The following PROSER1 variants were observed in gnomAD, a reference collection of about 807,000 sequenced individuals.
The protein encoded by PROSER1 is proline and serine rich 1, also known as proline and serine-rich protein 1.
A neutral mutation model predicts 71.8 loss-of-function variants in PROSER1; 36 were observed. The observed-to-expected ratio is 0.50, with a 90% CI of 0.38 to 0.66. The LOEUF (loss-of-function observed/expected upper bound fraction) is 0.66, where lower values mean the gene tolerates loss of function less well. PROSER1 is among the 30% of genes least tolerant of loss of function. The probability of loss-of-function intolerance (pLI) is 0.00; values close to 1 mark genes in which losing one functional copy is unlikely to be tolerated. For missense variants in PROSER1, 1,107 were observed against 1,135.0 expected (o/e 0.98, Z 0.35); for synonymous variants, 490 against 452.4 (o/e 1.08, Z -1.06).
At chr13:39,015,058 C>G (rs1202197633) in intron 10 of PROSER1, among the ~76,000 whole-genome samples, 3 of 152,140 alleles carry the variant, frequency 2.0e-5, no homozygotes, top group African/African-American at 7.2e-5. Context: ...AACCCCTAAC[C>G]CTTACCTGGC....
At chr13:39,015,928 T>C (rs1276296917) in intron 10 of PROSER1, among the ~76,000 whole-genome samples, 2 of 152,200 alleles carry the variant, frequency 1.3e-5, no homozygotes, top group Admixed American at 6.5e-5. Context: ...TGTTTGTAAA[T>C]AATGTACCAA....
Position 39,037,355 on chromosome 13 carries a change from C to T in PROSER1, c.-113G>A, listed in dbSNP as rs1339082426. On this transcript the variant is annotated 5_prime_UTR_variant, in exon 1 of 13. Transcript: ENST00000352251. The stretch of plus-strand genomic sequence containing the variant: ...TATTTATAGCTGAGGAGGAAAAAGA[C>T]TCCACGAGCAAGAGAGGATGCGAAG... The T allele has an allele frequency of 1.8e-5, 14 of 799,054 alleles. No individual in the cohort carries two copies. Among genetic ancestry groups the T allele is most frequent in the Non-Finnish European group, 3.0e-5 (14 of 462,074 alleles). 49.5% of individuals were successfully genotyped at this position (799,054 alleles called of 1,614,324 possible).
chr13:39,013,977 CAATG>C lies in PROSER1; in HGVS notation c.1271_1274del (p.Ser424CysfsTer25). 3 of 1,614,060 alleles carry C rather than the reference CAATG, an allele frequency of 1.9e-6. No individual in the cohort carries two copies. Among genetic ancestry groups the C allele is most frequent in the Non-Finnish European group, 2.5e-6 (3 of 1,180,028 alleles). On this transcript the variant is annotated frameshift_variant, in exon 11 of 13. Coordinates refer to ENST00000352251, the MANE Select transcript of PROSER1 (RefSeq NM_025138.5). LOFTEE classifies it high-confidence loss of function. Reference sequence around the variant, plus strand: ...AAGGGAGCCCTGCAAAAACTGATGACAATGAAGCAGAATTTGGGTTGCTGGTAGA... The same window carrying C: ...AAGGGAGCCCTGCAAAAACTGATGACAAGCAGAATTTGGGTTGCTGGTAGA...
At chr13:39,016,327 G>A (rs1011027064) in intron 10 of PROSER1, among the ~76,000 whole-genome samples, 4 of 152,138 alleles carry the variant, frequency 2.6e-5, no homozygotes, top group African/African-American at 9.7e-5. Flanking sequence ...ACCCTCATTT[G>A]ACAGATGGGC....
At chr13:39,029,438 T>C (rs1870725577) in intron 3 of PROSER1, 63 bp from the exon 4 acceptor site, 2 of 897,880 alleles carry the variant, frequency 2.2e-6, no homozygotes, top group Non-Finnish European at 3.4e-6. Flanking sequence ...ATTACCTTTT[T>C]CTGGAAGTAC....
rs114651449 is a variant in PROSER1, at chr13:39,027,710, A to C, written c.369+517T>G. On this transcript the variant is annotated intron_variant, in intron 5 of 12. Coordinates refer to ENST00000352251, the MANE Select transcript of PROSER1 (RefSeq NM_025138.5). ...ATTAATTAATTAATTCAGCTTCCAG[A>C]CATCGCAATCCTACCTTAGAAATAA... Among the ~76,000 whole-genome samples, 1,384 of 152,290 alleles carry C rather than the reference A, an allele frequency of 9.1e-3. 27 individuals are homozygous for C. The highest frequency in any genetic ancestry group is 0.032 in the African/African-American group (1,333 of 41,548).
chr13:39,022,514 A>T (rs1191625880), intron 8 of PROSER1, 102 bp from the exon 9 acceptor site: 1 of 750,686 alleles, frequency 1.3e-6, no homozygotes, highest in African/African-American at 1.8e-5. Context: ...CAGCTATTCA[A>T]TTTATTATAA....
chr13:39,027,429 C>A (rs1005370275), intron 5 of PROSER1, among the ~76,000 whole-genome samples: 5 of 152,162 alleles, frequency 3.3e-5, no homozygotes, highest in African/African-American at 9.7e-5. Context: ...CTACAGAACA[C>A]TCAGGCCCAG....
intron 3 of PROSER1, 47 bp from the exon 4 acceptor site, chr13:39,029,422 C>A (rs1164804823): frequency 5.9e-6 from 6 of 1,025,036 alleles, no homozygotes; most frequent in South Asian, 5.5e-5. Flanking sequence ...AATTTTCATG[C>A]CAGAAATTAC....
At chr13:39,017,448 A>G in intron 10 of PROSER1, 52 bp downstream of exon 10, 1 of 1,103,100 alleles carries the variant, frequency 9.1e-7, no homozygotes, top group Non-Finnish European at 1.4e-6. Context: ...AGTGAATAAC[A>G]GAGCAAACCA....
chr13:39,011,589 A>G (rs950234108), intron 12 of PROSER1, 102 bp from the exon 13 acceptor site: 1 of 1,202,254 alleles, frequency 8.3e-7, no homozygotes, highest in Non-Finnish European at 1.1e-6. Flanking sequence ...ATAGGAAAGA[A>G]AGACAAGACA....
At chr13:39,023,543 T>A (rs1566025619) in intron 7 of PROSER1, 2 of 157,044 alleles carry the variant, frequency 1.3e-5, no homozygotes, top group Admixed American at 1.3e-4. Flanking sequence ...CCTAAACTGA[T>A]AGGAATTCAT....
At position 39,029,462 on chromosome 13, in the gene PROSER1, TAATATA is replaced by T. The variant is rs371259172; in HGVS notation, c.181-93_181-88del. ...TTCTGGAAGTACAGTTAAATGCTCT[TAATATA>T]AACATTTTAGATAAAATATATCACA... On this transcript the variant is annotated intron_variant, in intron 3 of 12. Coordinates refer to ENST00000352251, the MANE Select transcript of PROSER1 (RefSeq NM_025138.5). 1.2e-3 allele frequency: 767 copies of T among 635,118 alleles called. 4 individuals carry two copies. The African/African-American group carries it at 0.013, about 11-fold the overall frequency. 39.3% of individuals were successfully genotyped at this position (635,118 alleles called of 1,614,324 possible).
At position 39,012,130 on chromosome 13, in the gene PROSER1, G is replaced by T; in HGVS notation, c.2665C>A (p.Gln889Lys). 3.7e-6 allele frequency: 6 copies of T among 1,614,200 alleles called. No individual in the cohort carries two copies. Among genetic ancestry groups the T allele is most frequent in the Non-Finnish European group, 5.1e-6 (6 of 1,180,020 alleles). ...FPQNPSQSSL[Q>K]ELQHNAAAQS... ...GCAGCCGCATTATGCTGTAATTCTT[G>T]CAAGGATGATTGTGAAGGATTCTGA... The change falls in exon 12 of 13, where the codon CAA becomes AAA. Residue 889 changes from glutamine (Q) to lysine (K), a missense_variant. Transcript: ENST00000352251.
At chr13:39,033,413 C>G (rs866553273) in intron 2 of PROSER1, among the ~76,000 whole-genome samples, 7 of 152,182 alleles carry the variant, frequency 4.6e-5, no homozygotes, top group Admixed American at 3.9e-4. Context: ...AAAAGCTGGA[C>G]CATTTACTAA....
chr13:39,037,390 G>A lies in PROSER1; in HGVS notation c.-148C>T. ...AAGAGAGGATGCGAAGAGGTAGAGAGTATTGCAAACTTCGCAAAAAAAATT... is the reference window on the plus strand; with the variant it reads ...AAGAGAGGATGCGAAGAGGTAGAGAATATTGCAAACTTCGCAAAAAAAATT... On this transcript the variant is annotated 5_prime_UTR_variant, in exon 1 of 13. Coordinates refer to ENST00000352251, the MANE Select transcript of PROSER1 (RefSeq NM_025138.5). 3.2e-6 allele frequency: 2 copies of A among 633,156 alleles called. No individual in the cohort carries two copies. Among genetic ancestry groups the A allele is most frequent in the Non-Finnish European group, 5.7e-6 (2 of 353,168 alleles). The allele number at this position is 633,156 out of a possible 1,614,324, so 39.2% of individuals were successfully genotyped here. A position where few individuals can be genotyped will look rare whatever the true frequency, so the allele number is the denominator to read the frequency against.
intron 9 of PROSER1, among the ~76,000 whole-genome samples, chr13:39,019,660 G>A (rs1870197701): frequency 2.0e-5 from 3 of 151,730 alleles, no homozygotes; most frequent in African/African-American, 7.3e-5. Flanking sequence ...AAGTTTGGGT[G>A]GGGTCAAGGA....
intron 1 of PROSER1, among the ~76,000 whole-genome samples, chr13:39,036,939 C>T (rs1042857538): frequency 6.6e-6 from 1 of 152,176 alleles, no homozygotes; most frequent in African/African-American, 2.4e-5. Flanking sequence ...ATTTGTAAAG[C>T]CGGCTTTGGA....
At chr13:39,035,804 G>A (rs1311707266) in intron 1 of PROSER1, among the ~76,000 whole-genome samples, 1 of 152,182 alleles carries the variant, frequency 6.6e-6, no homozygotes, top group Admixed American at 6.5e-5. Context: ...CAGTAGTAAT[G>A]CTCATATTTA....
Sources: gnomAD v4.1 joint callset for allele counts (sites outside exome capture counted in the v4.1 genomes callset) on GRCh38, gnomAD v4.1.1 for gene constraint, MANE v1.5 for transcripts, NCBI Gene and HGNC (gene_info 2026-07-23, HGNC 2026-07-21) for gene names.